Variants in MAD1L1 observed in about 807,000 individuals in gnomAD.
MAD1L1 encodes the protein mitotic spindle assembly checkpoint protein MAD1.
In MAD1L1, 95 loss-of-function variants were observed where a neutral mutation model predicts 96.9. That is an observed-to-expected ratio of 0.98 (90% CI 0.83 to 1.16). The LOEUF (loss-of-function observed/expected upper bound fraction) is 1.16, where lower values mean the gene tolerates loss of function less well. Among genes scored for constraint, MAD1L1 ranks in the 50% most tolerant of loss-of-function variants. The pLI is 0.00. For synonymous variants in MAD1L1, 473 were observed against 396.6 expected (o/e 1.19, Z -2.29); for missense variants, 1,007 against 954.4 (o/e 1.06, Z -0.73).
rs1021663938 is a variant in MAD1L1, at chr7:2,216,948, G to T, written c.679-661C>A. On this transcript the variant is annotated intron_variant, in intron 7 of 18. Coordinates refer to ENST00000265854, the MANE Select transcript of MAD1L1 (RefSeq NM_001013836.2). ...ATCCACTCCAGGGCAGCTCTTCCCAGCGCCGACCTCCCAGCCCTCCGCGTA... is the reference window on the plus strand; with the variant it reads ...ATCCACTCCAGGGCAGCTCTTCCCATCGCCGACCTCCCAGCCCTCCGCGTA... 2.0e-5 allele frequency among the ~76,000 whole-genome samples: 3 copies of T among 152,202 alleles called. No individual in the cohort carries two copies. The East Asian group carries it at 5.8e-4, about 29-fold the overall frequency.
At chr7:2,158,018 G>A (rs191510346) in intron 10 of MAD1L1, among the ~76,000 whole-genome samples, 414 of 152,338 alleles carry the variant, frequency 2.7e-3, no homozygotes, top group African/African-American at 9.3e-3. Flanking sequence ...GCCTCAGCTC[G>A]GAGATGACAC....
chr7:2,161,130 C>T (rs535026261), intron 10 of MAD1L1, among the ~76,000 whole-genome samples: 3 of 127,356 alleles, frequency 2.4e-5, no homozygotes, highest in African/African-American at 8.4e-5. Flanking sequence ...TCCCTCTCCC[C>T]TTTGCACGGT....
chr7:2,005,353 G>A (rs1187593229), intron 13 of MAD1L1, among the ~76,000 whole-genome samples: 2 of 151,938 alleles, frequency 1.3e-5, no homozygotes, highest in African/African-American at 4.8e-5. Flanking sequence ...TGCATTAGGG[G>A]GGTTACACAC....
At chr7:2,051,289 G>A (rs535857430) in intron 12 of MAD1L1, among the ~76,000 whole-genome samples, 15 of 152,236 alleles carry the variant, frequency 9.9e-5, no homozygotes, top group Middle Eastern at 3.4e-3. Context: ...TCTAAGCCTC[G>A]GTCTCTCTGG....
At chr7:2,085,905 G>C (rs886405949) in intron 11 of MAD1L1, among the ~76,000 whole-genome samples, 12 of 152,214 alleles carry the variant, frequency 7.9e-5, no homozygotes, top group African/African-American at 2.9e-4. Flanking sequence ...GGCAGATGCA[G>C]CTTCACAGGA....
chr7:2,015,054 G>C (rs375617640), intron 12 of MAD1L1, among the ~76,000 whole-genome samples: 1 of 152,202 alleles, frequency 6.6e-6, no homozygotes, highest in East Asian at 1.9e-4. Context: ...TTGGGTCTGC[G>C]TGACTCCTCT....
At position 2,051,116 on chromosome 7, in the gene MAD1L1, C is replaced by T. The variant is rs547795992; in HGVS notation, c.1218+18078G>A. 3.9e-5 allele frequency among the ~76,000 whole-genome samples: 6 copies of T among 152,342 alleles called. No homozygotes were observed. The South Asian group carries it at 8.3e-4, about 21-fold the overall frequency. ...AAGCACAAACAAGGACAATGTCAGG[C>T]CAAAGCCTGGGTAGGCAGGACAAGG... On this transcript the variant is annotated intron_variant, in intron 12 of 18. Coordinates refer to ENST00000265854, the MANE Select transcript of MAD1L1 (RefSeq NM_001013836.2).
Position 1,858,865 on chromosome 7 carries a change from G to C in MAD1L1, c.1998+39335C>G, listed in dbSNP as rs542029948. 1.3e-4 allele frequency among the ~76,000 whole-genome samples: 20 copies of C among 152,348 alleles called. No homozygotes were observed. The South Asian group carries it at 4.1e-3, about 32-fold the overall frequency. ...TCTGCCCCTCCTGGCTTCAGGGACA[G>C]GGCCTGACCACCTCTGGGAGATCCC... On this transcript the variant is annotated intron_variant, in intron 18 of 18. Transcript: ENST00000265854.
intron 12 of MAD1L1, among the ~76,000 whole-genome samples, chr7:2,068,801 C>T (rs1784996226): frequency 6.6e-6 from 1 of 152,174 alleles, no homozygotes; most frequent in Non-Finnish European, 1.5e-5. Context: ...TGACAGCCTT[C>T]ATCCCAAGCC....
chr7:2,067,991 C>T (rs1267340952), intron 12 of MAD1L1, among the ~76,000 whole-genome samples: 3 of 152,248 alleles, frequency 2.0e-5, no homozygotes, highest in African/African-American at 7.2e-5. Context: ...CTAGCAGACA[C>T]GGTGTGGAAG....
At chr7:2,127,005 G>T (rs972068735) in intron 11 of MAD1L1, among the ~76,000 whole-genome samples, 4 of 152,244 alleles carry the variant, frequency 2.6e-5, no homozygotes, top group African/African-American at 9.6e-5. Flanking sequence ...TGTGAGTTCA[G>T]TCACGAAGCA....
chr7:2,204,896 G>A (rs1792510676), intron 10 of MAD1L1, among the ~76,000 whole-genome samples: 1 of 152,176 alleles, frequency 6.6e-6, no homozygotes, highest in African/African-American at 2.4e-5. Context: ...TACTCCCAGG[G>A]GCAACAGGCC....
At chr7:1,839,363 G>T (rs13233528) in intron 18 of MAD1L1, among the ~76,000 whole-genome samples, 1 of 70,822 alleles carries the variant, frequency 1.4e-5, no homozygotes, top group East Asian at 4.9e-4. Context: ...GCAGGAAAGC[G>T]TCCTGCCCCC....
chr7:2,075,469 T>C (rs996559134), intron 11 of MAD1L1, among the ~76,000 whole-genome samples: 3 of 152,124 alleles, frequency 2.0e-5, no homozygotes, highest in African/African-American at 7.2e-5. Context: ...AAGAGAAAAC[T>C]CAAAAAATTA....
chr7:2,028,291 G>C (rs940722055), intron 12 of MAD1L1, among the ~76,000 whole-genome samples: 1 of 151,942 alleles, frequency 6.6e-6, no homozygotes, highest in Non-Finnish European at 1.5e-5. Context: ...CGGGCGTGGT[G>C]GTGGGCGCCT....
intron 12 of MAD1L1, among the ~76,000 whole-genome samples, chr7:2,064,805 C>A (rs1273533741): frequency 1.5e-5 from 1 of 66,522 alleles, no homozygotes; most frequent in Non-Finnish European, 2.7e-5. Context: ...GGAGGCTTCT[C>A]CCAGGACAGC....
chr7:1,903,586 G>A (rs371334324), intron 17 of MAD1L1, among the ~76,000 whole-genome samples: 4 of 141,794 alleles, frequency 2.8e-5, no homozygotes, highest in Admixed American at 7.0e-5. Context: ...TCCAGGCAGC[G>A]AGCACGCAGT....
chr7:2,047,606 C>T (rs1783981495), intron 12 of MAD1L1, among the ~76,000 whole-genome samples: 1 of 152,196 alleles, frequency 6.6e-6, no homozygotes, highest in Non-Finnish European at 1.5e-5. Context: ...ATGAGGGTCT[C>T]GTGGGAAAAG....
At chr7:1,925,636 C>A (rs1789046300) in intron 17 of MAD1L1, among the ~76,000 whole-genome samples, 1 of 152,238 alleles carries the variant, frequency 6.6e-6, no homozygotes, top group South Asian at 2.1e-4. Flanking sequence ...CCTCCCAACA[C>A]CATCACTCTG....
Sources: allele counts gnomAD v4.1 joint callset (sites outside exome capture counted in the v4.1 genomes callset), GRCh38; gene constraint gnomAD v4.1.1; transcripts MANE v1.5; gene names NCBI Gene and HGNC (gene_info 2026-07-23, HGNC 2026-07-21).